The following PTPRG variants were observed in gnomAD, a reference collection of about 807,000 sequenced individuals.
The protein encoded by PTPRG is protein tyrosine phosphatase receptor type G, also known as receptor-type tyrosine-protein phosphatase gamma.
Under a neutral mutation model 165.3 loss-of-function variants are expected in PTPRG, and 102 were observed. The observed-to-expected ratio is 0.62, with a 90% confidence interval of 0.53 to 0.73. The LOEUF is 0.73. Among genes scored for constraint, PTPRG ranks in the 30% least tolerant of loss-of-function variants. The pLI, the probability that PTPRG is intolerant of heterozygous loss-of-function variation, is 0.00. For synonymous variants in PTPRG, 675 were observed against 669.5 expected (o/e 1.01, Z -0.13); for missense variants, 1,866 against 1,861.4 (o/e 1.00, Z -0.05).
intron 13 of PTPRG, among the ~76,000 whole-genome samples, chr3:62,226,821 A>G (rs536157927): frequency 1.7e-4 from 26 of 152,208 alleles, no homozygotes; most frequent in Non-Finnish European, 3.5e-4. Context: ...GTCAACACCA[A>G]TTTAGCCACA....
At chr3:61,649,835 G>T (rs559548145) in intron 1 of PTPRG, among the ~76,000 whole-genome samples, 16 of 152,316 alleles carry the variant, frequency 1.1e-4, no homozygotes, top group Admixed American at 9.2e-4. Context: ...CTGATGACAG[G>T]GCTTGAAATT....
At chr3:62,146,034 G>A (rs921770068) in intron 6 of PTPRG, among the ~76,000 whole-genome samples, 53 of 152,186 alleles carry the variant, frequency 3.5e-4, no homozygotes, top group Non-Finnish European at 8.8e-5. Flanking sequence ...GAATGTACAC[G>A]TCGTGTCAGT....
At chr3:61,683,902 T>C (rs1333592837) in intron 1 of PTPRG, among the ~76,000 whole-genome samples, 1 of 152,226 alleles carries the variant, frequency 6.6e-6, no homozygotes, top group Non-Finnish European at 1.5e-5. Context: ...GTAGAAATTA[T>C]GTGATTATCG....
chr3:62,131,277 T>C (rs1198299349), intron 5 of PTPRG, among the ~76,000 whole-genome samples: 1 of 152,110 alleles, frequency 6.6e-6, no homozygotes, highest in Non-Finnish European at 1.5e-5. Context: ...TCTCCAGACA[T>C]GGTCACATGT....
At chr3:61,729,891 A>G (rs2032423240) in intron 1 of PTPRG, among the ~76,000 whole-genome samples, 1 of 152,232 alleles carries the variant, frequency 6.6e-6, no homozygotes, top group Non-Finnish European at 1.5e-5. Flanking sequence ...AAAAAGCAAT[A>G]AATGCCATTA....
At chr3:62,130,771 T>C (rs1485291121) in intron 5 of PTPRG, among the ~76,000 whole-genome samples, 1 of 152,190 alleles carries the variant, frequency 6.6e-6, no homozygotes, top group Admixed American at 6.5e-5. Context: ...ATACGATGTT[T>C]CTTCTAATGC....
chr3:62,232,162 C>A (rs1164517688), intron 14 of PTPRG, among the ~76,000 whole-genome samples: 5 of 152,058 alleles, frequency 3.3e-5, no homozygotes, highest in Non-Finnish European at 7.4e-5. Flanking sequence ...GTGGGTAAAT[C>A]AGAATACTGA....
At chr3:62,198,094 T>C (rs1010880523) in intron 10 of PTPRG, among the ~76,000 whole-genome samples, 5 of 152,264 alleles carry the variant, frequency 3.3e-5, no homozygotes, top group Admixed American at 3.3e-4. Context: ...ATAGTAAATA[T>C]AACACTATTT....
chr3:61,652,220 T>C (rs1447806881), intron 1 of PTPRG, among the ~76,000 whole-genome samples: 2 of 151,996 alleles, frequency 1.3e-5, no homozygotes, highest in East Asian at 1.9e-4. Flanking sequence ...AGGCAGAGAA[T>C]TGCTTGAACC....
intron 1 of PTPRG, among the ~76,000 whole-genome samples, chr3:61,655,056 G>A (rs1702472599): frequency 6.6e-6 from 1 of 151,992 alleles, no homozygotes; most frequent in Admixed American, 6.5e-5. Flanking sequence ...CAAAGTGCTG[G>A]GATTACAGGC....
At chr3:61,838,690 C>A (rs1324469411) in intron 2 of PTPRG, among the ~76,000 whole-genome samples, 1 of 152,156 alleles carries the variant, frequency 6.6e-6, no homozygotes, top group Non-Finnish European at 1.5e-5. Flanking sequence ...TTCAATAACA[C>A]TGTAATGTTC....
chr3:61,868,710 A>G lies in PTPRG; in HGVS notation c.190+119728A>G, dbSNP rs183666419. On this transcript the variant is annotated intron_variant, in intron 2 of 29. Coordinates refer to ENST00000474889, the MANE Select transcript of PTPRG (RefSeq NM_002841.4). The stretch of plus-strand genomic sequence containing the variant: ...AGTTTTTTTGTTTGAGTCAGCACAA[A>G]TAAAGCAAACTCTCCAGGGTTGTGG... 3.5e-4 allele frequency among the ~76,000 whole-genome samples: 54 copies of G among 152,328 alleles called. No individual in the cohort carries two copies. In the East Asian group the frequency reaches 8.9e-3, roughly 25 times the overall value.
At chr3:62,124,107 CT>C in intron 5 of PTPRG, 1 of 551,274 alleles carries the variant, frequency 1.8e-6, no homozygotes, top group Non-Finnish European at 3.2e-6. Flanking sequence ...ACTTGTCCTC[CT>C]TGTGAAATGG....
chr3:62,122,358 T>G (rs1703106660), intron 5 of PTPRG, among the ~76,000 whole-genome samples: 1 of 152,184 alleles, frequency 6.6e-6, no homozygotes, highest in South Asian at 2.1e-4. Flanking sequence ...TGGTTTGGAA[T>G]AGGGAATGGC....
intron 2 of PTPRG, among the ~76,000 whole-genome samples, chr3:61,871,132 TGTG>T (rs2037561910): frequency 8.8e-6 from 1 of 113,700 alleles, no homozygotes; most frequent in African/African-American, 4.1e-5. Context: ...TATGTTATGT[TGTG>T]TTGTGTTGTG....
At position 62,255,536 on chromosome 3, in the gene PTPRG, G is replaced by A. The variant is rs1701518373; in HGVS notation, c.2559+321G>A. Among the ~76,000 whole-genome samples the A allele has an allele frequency of 6.6e-6, 1 of 152,096 alleles. No homozygotes were observed. The highest frequency in any genetic ancestry group is 2.1e-4 in the South Asian group (1 of 4,826). On this transcript the variant is annotated intron_variant, in intron 16 of 29. Transcript: ENST00000474889. This position sits in a 1 kb window ranked among gnomAD's most constrained non-coding sequence, Gnocchi z 4.0. ...CTGGGAACAGCAGTCATAACACAAG[G>A]CTCCCTAATTCCATGTCTTTTCTGC...
chr3:61,865,757 T>A (rs1448580094), intron 2 of PTPRG, among the ~76,000 whole-genome samples: 4 of 152,160 alleles, frequency 2.6e-5, no homozygotes, highest in Non-Finnish European at 5.9e-5. Context: ...CCTAGCCCAC[T>A]GCTCTAGAAA....
At chr3:62,270,300 C>T (rs1351687861) in intron 20 of PTPRG, among the ~76,000 whole-genome samples, 1 of 152,020 alleles carries the variant, frequency 6.6e-6, no homozygotes, top group Admixed American at 6.6e-5. Context: ...ATTTCAGTGG[C>T]TCCAAAGCCC....
intron 4 of PTPRG, among the ~76,000 whole-genome samples, chr3:62,005,635 C>T (rs923635122): frequency 1.6e-4 from 24 of 150,856 alleles, no homozygotes; most frequent in African/African-American, 5.9e-4. Context: ...CCAAAAATGG[C>T]CAGTTTCCTC....
Sources: allele counts gnomAD v4.1 joint callset (sites outside exome capture counted in the v4.1 genomes callset), GRCh38; gene constraint gnomAD v4.1.1; non-coding constraint Gnocchi (gnomAD v3.1); transcripts MANE v1.5; gene names NCBI Gene and HGNC (gene_info 2026-07-23, HGNC 2026-07-21).